ASB4: variants seen among roughly 807,000 people sequenced by gnomAD.
ASB4 encodes the protein ankyrin repeat and SOCS box containing 4.
ASB4 carries 35 observed loss-of-function variants against 38.6 expected under a neutral mutation model. The observed-to-expected ratio is 0.91, with a 90% CI of 0.69 to 1.20. ASB4 has a LOEUF of 1.20. Ranked by LOEUF, ASB4 falls within the 50% of genes most tolerant of loss-of-function variation. The pLI is 0.00. For synonymous variants in ASB4, 195 were observed against 201.3 expected (o/e 0.97, Z 0.26); for missense variants, 557 against 527.2 (o/e 1.06, Z -0.55).
chr7:95,515,116 G>A (rs1790535948), intron 2 of ASB4, among the ~76,000 whole-genome samples: 1 of 151,960 alleles, frequency 6.6e-6, no homozygotes, highest in South Asian at 2.1e-4. Context: ...TGAATTCCCA[G>A]CAGAGACAAC....
chr7:95,521,492 A>T (rs1415705631), intron 2 of ASB4, among the ~76,000 whole-genome samples: 1 of 152,108 alleles, frequency 6.6e-6, no homozygotes, highest in African/African-American at 2.4e-5. Flanking sequence ...ATATACACTG[A>T]TGAATATAAT....
chr7:95,484,400 A>G (rs1030123897), upstream of ASB4, among the ~76,000 whole-genome samples: 1 of 152,212 alleles, frequency 6.6e-6, no homozygotes, highest in Non-Finnish European at 1.5e-5. Flanking sequence ...TCTTTGAGGC[A>G]GGTGTTTTGA....
intron 2 of ASB4, among the ~76,000 whole-genome samples, chr7:95,512,537 A>G (rs1251817471): frequency 2.0e-5 from 3 of 152,256 alleles, no homozygotes. Context: ...TGGAAAATCC[A>G]TGTTAAACTG....
intron 1 of ASB4, among the ~76,000 whole-genome samples, chr7:95,491,597 T>C (rs1790172485): frequency 6.6e-6 from 1 of 152,226 alleles, no homozygotes; most frequent in Admixed American, 6.5e-5. Context: ...AAAAAATGAA[T>C]CTGCCTCATC....
intron 2 of ASB4, among the ~76,000 whole-genome samples, chr7:95,521,213 T>C (rs757673777): frequency 1.8e-4 from 28 of 152,090 alleles, no homozygotes; most frequent in Non-Finnish European, 1.5e-5. Context: ...CATAAAGAAA[T>C]GTTTCCTTTT....
At position 95,485,996 on chromosome 7, in the gene ASB4, A is replaced by G; in HGVS notation, c.25A>G (p.Thr9Ala). The G allele has an allele frequency of 3.7e-6, 6 of 1,614,074 alleles. No homozygotes were observed. The highest frequency in any genetic ancestry group is 5.1e-6 in the Non-Finnish European group (6 of 1,179,964). ...GATGGACGGCACCACTGCCCCTGTC[A>G]CTAAATCTGGAGCTGCCAAGTTAGT... MDGTTAPV[T>A]KSGAAKLVKR... The change falls in exon 1 of 5, where the codon ACT becomes GCT. Residue 9 changes from threonine (T) to alanine (A), a missense_variant. Thr to Ala is a moderately conservative substitution (Grantham distance 58). Transcript: ENST00000325885.
intron 2 of ASB4, among the ~76,000 whole-genome samples, chr7:95,513,293 ATGTG>A (rs3046862): frequency 0.034 from 3,074 of 89,158 alleles, 97 homozygotes; most frequent in South Asian, 0.13. Context: ...AGCCAATAGA[ATGTG>A]TGTGTGTGTG....
chr7:95,542,790 A>C (rs1046723233), downstream of ASB4: 4 of 152,218 alleles, frequency 2.6e-5, no homozygotes, highest in African/African-American at 9.6e-5. Context: ...TTTCTTCTTT[A>C]CTAATTGGTT....
In ASB4 at chr7:95,528,319, G is replaced by A. The variant is rs536475768; in HGVS notation, c.978+16G>A. 120 of 1,613,952 alleles carry A rather than the reference G, an allele frequency of 7.4e-5. No homozygotes were observed. In the South Asian group the frequency reaches 1.2e-3, roughly 16 times the overall value. ...GTTCCATAAGGTGAGGCTCTGCCCAGTGGTCAGCAGGTTGAGGAAGATTCA... is the reference window on the plus strand; with the variant it reads ...GTTCCATAAGGTGAGGCTCTGCCCAATGGTCAGCAGGTTGAGGAAGATTCA... On this transcript the variant is annotated intron_variant, in intron 3 of 4. Coordinates refer to ENST00000325885, the MANE Select transcript of ASB4 (RefSeq NM_016116.3).
intron 1 of ASB4, among the ~76,000 whole-genome samples, chr7:95,479,653 C>G (rs1003779025): frequency 3.9e-5 from 6 of 152,120 alleles, no homozygotes; most frequent in African/African-American, 1.4e-4. Flanking sequence ...TATTGCTTGT[C>G]TACAGAAGAA....
In ASB4 at chr7:95,500,832, A is replaced by G. The variant is rs75829565; in HGVS notation, c.487+4775A>G. 8.4e-3 allele frequency among the ~76,000 whole-genome samples: 1,274 copies of G among 152,204 alleles called. 21 individuals carry two copies. The highest frequency in any genetic ancestry group is 0.029 in the African/African-American group (1,207 of 41,524). On this transcript the variant is annotated intron_variant, in intron 2 of 4. Coordinates refer to ENST00000325885, the MANE Select transcript of ASB4 (RefSeq NM_016116.3). ...ACACAAGGTTTTCCTCTGATCTCCA[A>G]CTGTAGATAATAGTGACCTGTGACC...
chr7:95,545,949 T>C, the ASB4 span, among the ~76,000 whole-genome samples: 1 of 152,202 alleles, frequency 6.6e-6, no homozygotes, highest in Non-Finnish European at 1.5e-5. Flanking sequence ...ACAGAGTTGC[T>C]CCCTTCTGGA....
intron 2 of ASB4, among the ~76,000 whole-genome samples, chr7:95,503,425 T>C (rs1396542351): frequency 6.6e-6 from 1 of 152,208 alleles, no homozygotes; most frequent in Non-Finnish European, 1.5e-5. Flanking sequence ...AAGTGCTCAA[T>C]AAATAGTTAC....
At chr7:95,545,869 A>T in the ASB4 span, among the ~76,000 whole-genome samples, 1 of 152,232 alleles carries the variant, frequency 6.6e-6, no homozygotes, top group Non-Finnish European at 1.5e-5. Flanking sequence ...GAGAAGCCTA[A>T]TCATGCCATC....
intron 1 of ASB4, among the ~76,000 whole-genome samples, chr7:95,493,934 A>G (rs567952879): frequency 6.6e-6 from 1 of 152,150 alleles, no homozygotes; most frequent in Non-Finnish European, 1.5e-5. Context: ...ATCAATTAAC[A>G]TGGAGGTTGT....
intron 1 of ASB4, among the ~76,000 whole-genome samples, chr7:95,488,136 T>C (rs550045939): frequency 6.6e-5 from 10 of 152,256 alleles, no homozygotes; most frequent in Admixed American, 5.9e-4. Flanking sequence ...GGTCAGGAGA[T>C]AGAGACCATC....
chr7:95,503,447 A>G (rs1057446702), intron 2 of ASB4, among the ~76,000 whole-genome samples: 1 of 152,192 alleles, frequency 6.6e-6, no homozygotes, highest in Non-Finnish European at 1.5e-5. Context: ...GAGATTACTG[A>G]CAGATCTGGG....
At chr7:95,520,425 T>C (rs1158818156) in intron 2 of ASB4, among the ~76,000 whole-genome samples, 1 of 152,184 alleles carries the variant, frequency 6.6e-6, no homozygotes, top group African/African-American at 2.4e-5. Context: ...AAAAAAATAA[T>C]GCTCTGTTGT....
chr7:95,507,419 AG>A (rs1790425553), intron 2 of ASB4, among the ~76,000 whole-genome samples: 1 of 152,054 alleles, frequency 6.6e-6, no homozygotes, highest in East Asian at 1.9e-4. Context: ...GCGAAGTCTT[AG>A]TTCAGACTTC....
Sources: gnomAD v4.1 joint callset for allele counts (sites outside exome capture counted in the v4.1 genomes callset) on GRCh38, gnomAD v4.1.1 for gene constraint, MANE v1.5 for transcripts, NCBI Gene and HGNC (gene_info 2026-07-23, HGNC 2026-07-21) for gene names.